Variants in SLC13A5 observed in about 807,000 individuals in gnomAD.
SLC13A5 encodes Na(+)/citrate cotransporter.
Under a neutral mutation model 56.5 loss-of-function variants are expected in SLC13A5, and 25 were observed. That is an observed-to-expected ratio of 0.44 (90% CI 0.32 to 0.62). The LOEUF (loss-of-function observed/expected upper bound fraction) is 0.62. Among genes scored for constraint, SLC13A5 ranks in the 20% least tolerant of loss-of-function variants. The pLI is 0.04. For missense variants in SLC13A5, 649 were observed against 737.8 expected (o/e 0.88, Z 1.39); for synonymous variants, 307 against 301.5 (o/e 1.02, Z -0.19).
At chr17:6,705,506 C>T (rs1043852012) in intron 3 of SLC13A5, 1 of 152,176 alleles carries the variant, frequency 6.6e-6, no homozygotes, top group South Asian at 2.1e-4. Context: ...GGTCCACTTT[C>T]CTGGGGTCTC....
At position 6,697,098 on chromosome 17, in the gene SLC13A5, C is replaced by T. The variant is rs377564017; in HGVS notation, c.840-1157G>A. Among the ~76,000 whole-genome samples, 41 of 152,228 alleles carry T rather than the reference C, an allele frequency of 2.7e-4. 1 individual carries two copies. In the East Asian group the frequency reaches 6.6e-3, roughly 24 times the overall value. On this transcript the variant is annotated intron_variant, in intron 6 of 11. Coordinates refer to ENST00000433363, the MANE Select transcript of SLC13A5 (RefSeq NM_177550.5). Reference sequence around the variant, plus strand: ...AAGGCCGTGTGTCCTGAGGGTCACCCGCTAGGGACACTCTCTAGACATCCG... The same window carrying T: ...AAGGCCGTGTGTCCTGAGGGTCACCTGCTAGGGACACTCTCTAGACATCCG...
At chr17:6,708,898 A>T (rs1320065575) in intron 1 of SLC13A5, among the ~76,000 whole-genome samples, 1 of 152,180 alleles carries the variant, frequency 6.6e-6, no homozygotes, top group African/African-American at 2.4e-5. Context: ...GCCAAAGAAA[A>T]GCCATGTGGA....
At position 6,703,898 on chromosome 17, in the gene SLC13A5, C is replaced by T; in HGVS notation, c.527G>A (p.Gly176Asp). ...CTCACCTGGCAGCTCCTTGGCCTTG[C>T]CCTTGTCCACCAGCTCCAGGCCGGC... is the stretch of plus-strand genomic sequence containing the variant. The part of the protein sequence containing the change: ...TEAGLELVDK[G>D]KAKELPGSQV... The change falls in exon 4 of 12, where the codon GGC (glycine) becomes GAC (aspartate). Residue 176 changes from glycine to aspartate, a missense_variant. Transcript: ENST00000433363. 2 of 1,567,526 alleles carry T rather than the reference C, an allele frequency of 1.3e-6. No homozygotes were observed. Among genetic ancestry groups the T allele is most frequent in the Non-Finnish European group, 1.7e-6 (2 of 1,155,002 alleles).
At position 6,685,630 on chromosome 17, in the gene SLC13A5, C is replaced by T. The variant is rs1973223377; in HGVS notation, c.*577G>A. ...TTGGTGGTGGCCACAGGAGGAGTTC[C>T]CAGAGGCTTCAGGAGGCTCTGATTC... On this transcript the variant is annotated 3_prime_UTR_variant, in exon 12 of 12. Coordinates refer to ENST00000433363, the MANE Select transcript of SLC13A5 (RefSeq NM_177550.5). The surrounding 1 kb of genome is among the most constrained non-coding windows in gnomAD (Gnocchi z 4.2). The T allele has an allele frequency of 6.4e-6, 1 of 155,114 alleles. No homozygotes were observed. The highest frequency in any genetic ancestry group is 2.0e-4 in the South Asian group (1 of 5,026). The allele number at this position is 155,114 out of a possible 1,614,324, so 9.6% of individuals were successfully genotyped here.
intron 6 of SLC13A5, 97 bp downstream of exon 6, chr17:6,700,907 C>A: frequency 5.2e-6 from 8 of 1,553,114 alleles, no homozygotes; most frequent in Non-Finnish European, 7.0e-6. Flanking sequence ...GGGCCAGACA[C>A]GAAGGACTTT....
chr17:6,699,924 T>C (rs147250973), intron 6 of SLC13A5, among the ~76,000 whole-genome samples: 5 of 152,344 alleles, frequency 3.3e-5, no homozygotes, highest in African/African-American at 1.2e-4. Context: ...AACTTTTTAA[T>C]GGGAGTTTTC....
Position 6,687,283 on chromosome 17 carries a change from A to G in SLC13A5, c.1575+246T>C. The G allele has an allele frequency of 2.1e-6, 1 of 482,508 alleles. No homozygotes were observed. The highest frequency in any genetic ancestry group is 3.6e-6 in the Non-Finnish European group (1 of 279,422). 29.9% of individuals were successfully genotyped at this position (482,508 alleles called of 1,614,324 possible). ...CCAAGGACTCCCCTGGTGCCTGCAC[A>G]GGCTTCTCCAGGTGGGAGAGTCTAT... On this transcript the variant is annotated intron_variant, in intron 11 of 11. Transcript: ENST00000433363. This position sits in a 1 kb window ranked among gnomAD's most constrained non-coding sequence, Gnocchi z 5.0.
intron 3 of SLC13A5, 141 bp downstream of exon 3, chr17:6,706,501 A>G: frequency 8.1e-7 from 1 of 1,230,366 alleles, no homozygotes; most frequent in South Asian, 1.6e-5. Context: ...CTAAAGCTAT[A>G]ACGCACCCCA....
chr17:6,690,087 A>AAAAAAAAAAAAAC (rs1973363070), intron 10 of SLC13A5: 1 of 136,370 alleles, frequency 7.3e-6, no homozygotes, highest in Non-Finnish European at 1.6e-5. Context: ...AAAAAAAAAA[A>AAAAAAAAAAAAAC]AAAAAAAACC....
chr17:6,698,216 G>T (rs1567619152), intron 6 of SLC13A5, among the ~76,000 whole-genome samples: 1 of 152,250 alleles, frequency 6.6e-6, no homozygotes, highest in Non-Finnish European at 1.5e-5. Flanking sequence ...AGGGGAAGGG[G>T]TGGGACTGGA....
chr17:6,706,870 G>A (rs1194344762), intron 2 of SLC13A5, 92 bp from the exon 3 acceptor site: 4 of 1,576,054 alleles, frequency 2.5e-6, no homozygotes, highest in East Asian at 4.5e-5. Flanking sequence ...GGACAGCTTG[G>A]AGTGGGGATG....
Position 6,687,881 on chromosome 17 carries a change from C to G in SLC13A5, c.1438-215G>C, listed in dbSNP as rs896828958. On this transcript the variant is annotated intron_variant, in intron 10 of 11. Transcript: ENST00000433363. This position sits in a 1 kb window ranked among gnomAD's most constrained non-coding sequence, Gnocchi z 5.0. ...GCCACCTGCCCTAGAAGGCCTTACCCCCTCAATTCATTCGACATGTATTTC... is the reference window on the plus strand; with the variant it reads ...GCCACCTGCCCTAGAAGGCCTTACCGCCTCAATTCATTCGACATGTATTTC... 1 of 495,354 alleles carries G rather than the reference C, an allele frequency of 2.0e-6. No individual in the cohort carries two copies. 30.7% of individuals were successfully genotyped at this position (495,354 alleles called of 1,614,324 possible).
At chr17:6,691,381 C>T (rs218698) in intron 9 of SLC13A5, among the ~76,000 whole-genome samples, 17,746 of 152,242 alleles carry the variant, frequency 0.12, 1,427 homozygotes, top group African/African-American at 0.21. Flanking sequence ...CACCAAGTCA[C>T]CCAAATGTCT....
rs1597671722 is a variant in SLC13A5 at position 6,703,171 on chromosome 17, G to C, written c.548-33C>G. The C allele has an allele frequency of 2.2e-5, 35 of 1,611,662 alleles. No individual in the cohort carries two copies. In the East Asian group the frequency reaches 7.6e-4, roughly 35 times the overall value. Reference sequence around the variant, plus strand: ...GGGCACAGCGCTGTTAGCTGAGCCAGTCATGGGGGCTGCCCACCCAGCCCC... The same window carrying C: ...GGGCACAGCGCTGTTAGCTGAGCCACTCATGGGGGCTGCCCACCCAGCCCC... On this transcript the variant is annotated intron_variant, in intron 4 of 11. Coordinates refer to ENST00000433363, the MANE Select transcript of SLC13A5 (RefSeq NM_177550.5).
At position 6,713,316 on chromosome 17, in the gene SLC13A5, G is replaced by A. The variant is rs775174636; in HGVS notation, c.18C>T (p.Ser6=). ...CGAAGGACTTGAACTTGGAGACATA[G>A]CTCAGCGCCGAGGCCATCGCGCGGG... MASAL[S]YVSKFKSFVI... Residue 6 remains serine, a synonymous_variant, in exon 1 of 12, where the codon AGC becomes AGT. Coordinates refer to ENST00000433363, the MANE Select transcript of SLC13A5 (RefSeq NM_177550.5). This position sits in a 1 kb window ranked among gnomAD's most constrained non-coding sequence, Gnocchi z 7.3. 18 of 1,613,898 alleles carry A rather than the reference G, an allele frequency of 1.1e-5. No individual in the cohort carries two copies. The East Asian group carries it at 2.2e-4, about 20-fold the overall frequency.
At position 6,687,254 on chromosome 17, in the gene SLC13A5, C is replaced by A; in HGVS notation, c.1575+275G>T. ...TGAGTCCCTCAGCCCCACCTTCACC[C>A]CTTCCAAGGACTCCCCTGGTGCCTG... On this transcript the variant is annotated intron_variant, in intron 11 of 11. Transcript: ENST00000433363. The surrounding 1 kb of genome is among the most constrained non-coding windows in gnomAD (Gnocchi z 5.0). The A allele has an allele frequency of 2.5e-6, 1 of 404,422 alleles. No individual in the cohort carries two copies. Among genetic ancestry groups the A allele is most frequent in the Non-Finnish European group, 4.4e-6 (1 of 226,952 alleles). The allele number at this position is 404,422 out of a possible 1,614,324, so 25.1% of individuals were successfully genotyped here. A position where few individuals can be genotyped will look rare whatever the true frequency, so the allele number is the denominator to read the frequency against.
chr17:6,710,951 T>C (rs1014671028), intron 1 of SLC13A5, among the ~76,000 whole-genome samples: 2 of 152,156 alleles, frequency 1.3e-5, no homozygotes, highest in African/African-American at 4.8e-5. Flanking sequence ...CTATCATTTA[T>C]TTCATTAAAT....
intron 11 of SLC13A5, chr17:6,686,540 G>C (rs1042363926): frequency 1.7e-6 from 1 of 591,884 alleles, no homozygotes; most frequent in Non-Finnish European, 2.9e-6. Flanking sequence ...GAAGTAGGCA[G>C]AGTGGATGGG....
chr17:6,710,430 A>C (rs1240002392), intron 1 of SLC13A5, among the ~76,000 whole-genome samples: 1 of 152,168 alleles, frequency 6.6e-6, no homozygotes, highest in Admixed American at 6.5e-5. Flanking sequence ...TATGGCGCAC[A>C]AAGTCCTCGG....
Sources: allele counts gnomAD v4.1 joint callset (sites outside exome capture counted in the v4.1 genomes callset), GRCh38; gene constraint gnomAD v4.1.1; non-coding constraint Gnocchi (gnomAD v3.1); transcripts MANE v1.5; gene names NCBI Gene and HGNC (gene_info 2026-07-23, HGNC 2026-07-21).